Variants in GALNT13 observed in about 807,000 individuals in gnomAD.
The protein encoded by GALNT13 is UDP-GalNAc:polypeptide N-acetylgalactosaminyltransferase 13.
A neutral mutation model predicts 64.2 loss-of-function variants in GALNT13; 28 were observed. The observed-to-expected ratio is 0.44, with a 90% CI of 0.32 to 0.60. The LOEUF is 0.60. Ranked by LOEUF, GALNT13 falls within the 20% of genes least tolerant of loss-of-function variation. The pLI is 0.05. For missense variants in GALNT13, 577 were observed against 669.8 expected (o/e 0.86, Z 1.53); for synonymous variants, 214 against 224.6 (o/e 0.95, Z 0.42).
chr2:153,407,851 TA>T, the GALNT13 span, among the ~76,000 whole-genome samples: 3 of 152,012 alleles, frequency 2.0e-5, no homozygotes, highest in African/African-American at 7.3e-5. Flanking sequence ...CATTAAGGGG[TA>T]GGGGTAGGCT....
At chr2:153,324,088 C>A in the GALNT13 span, among the ~76,000 whole-genome samples, 1 of 152,118 alleles carries the variant, frequency 6.6e-6, no homozygotes, top group African/African-American at 2.4e-5. Context: ...GGCAGTATGG[C>A]CATTTTCACA....
the GALNT13 span, among the ~76,000 whole-genome samples, chr2:153,371,389 T>C: frequency 6.6e-6 from 1 of 152,106 alleles, no homozygotes; most frequent in Non-Finnish European, 1.5e-5. Flanking sequence ...ATTCAAACTA[T>C]TTGCATATGA....
the GALNT13 span, among the ~76,000 whole-genome samples, chr2:153,696,350 C>G: frequency 6.6e-6 from 1 of 152,146 alleles, no homozygotes; most frequent in Admixed American, 6.5e-5. Context: ...GCCAACCTGG[C>G]AGCTGATTAG....
the GALNT13 span, among the ~76,000 whole-genome samples, chr2:153,454,447 G>A: frequency 1.3e-5 from 2 of 152,126 alleles, no homozygotes; most frequent in Non-Finnish European, 2.9e-5. Flanking sequence ...TCAGGCAGTT[G>A]TATCTAATTA....
chr2:153,458,103 T>C, the GALNT13 span, among the ~76,000 whole-genome samples: 1 of 152,184 alleles, frequency 6.6e-6, no homozygotes, highest in East Asian at 1.9e-4. Flanking sequence ...TTATCCTCTA[T>C]GGCCTCTCTT....
At chr2:153,347,235 C>T in the GALNT13 span, among the ~76,000 whole-genome samples, 1 of 152,162 alleles carries the variant, frequency 6.6e-6, no homozygotes, top group Non-Finnish European at 1.5e-5. Context: ...TAGCAGTGGT[C>T]ACAAGGCAGG....
chr2:154,307,578 G>A (rs16836440), intron 9 of GALNT13, among the ~76,000 whole-genome samples: 54,911 of 151,844 alleles, frequency 0.36, 10,348 homozygotes, highest in East Asian at 0.47. Context: ...ATAAAAAATA[G>A]ACATACTTTG....
At chr2:153,345,571 C>T in the GALNT13 span, among the ~76,000 whole-genome samples, 1 of 152,008 alleles carries the variant, frequency 6.6e-6, no homozygotes, top group Admixed American at 6.6e-5. Context: ...AGATTAATTC[C>T]ACACCCTGCC....
intron 12 of GALNT13, chr2:154,446,660 T>G (rs1338150320): frequency 1.3e-6 from 2 of 1,548,698 alleles, no homozygotes; most frequent in Non-Finnish European, 1.7e-6. Flanking sequence ...AAACCTGTAA[T>G]GATAGCACTT....
the GALNT13 span, among the ~76,000 whole-genome samples, chr2:153,464,336 C>T: frequency 2.0e-5 from 3 of 152,004 alleles, no homozygotes; most frequent in African/African-American, 7.2e-5. Context: ...GGATAAACTA[C>T]AAGATTCCTT....
chr2:153,354,334 C>T, the GALNT13 span: 3 of 152,138 alleles, frequency 2.0e-5, no homozygotes, highest in Non-Finnish European at 4.4e-5. Flanking sequence ...ACTATAATGA[C>T]CTGTCTTTAA....
Position 154,011,930 on chromosome 2 carries a change from T to G in GALNT13, c.142+67291T>G, listed in dbSNP as rs956412072. On this transcript the variant is annotated intron_variant, in intron 3 of 12. Transcript: ENST00000392825. ...TTTACTTGGTAGATTTTTCTTCATT[T>G]CTTTACTTTGAGCCTCTAGGTCTCC... is the stretch of plus-strand genomic sequence containing the variant. 5.9e-5 allele frequency among the ~76,000 whole-genome samples: 9 copies of G among 152,192 alleles called. 1 individual carries two copies. Among genetic ancestry groups the G allele is most frequent in the Admixed American group, 5.9e-4 (9 of 15,282 alleles).
chr2:154,347,116 A>C (rs553155140), intron 9 of GALNT13, among the ~76,000 whole-genome samples: 1 of 152,286 alleles, frequency 6.6e-6, no homozygotes, highest in East Asian at 1.9e-4. Flanking sequence ...CACCACCAGC[A>C]ATAATGATTG....
intron 2 of GALNT13, among the ~76,000 whole-genome samples, chr2:153,901,396 T>C (rs1688227831): frequency 6.6e-6 from 1 of 152,212 alleles, no homozygotes; most frequent in Admixed American, 6.5e-5. Context: ...GTATTGAATC[T>C]GTAAATTGCT....
chr2:153,478,817 G>T, the GALNT13 span: 13 of 447,746 alleles, frequency 2.9e-5, no homozygotes, highest in East Asian at 2.6e-4. Flanking sequence ...GCTCGAGGGG[G>T]GGCTGTTGGA....
At chr2:154,449,478 T>A (rs914596761) in intron 12 of GALNT13, among the ~76,000 whole-genome samples, 1 of 128,402 alleles carries the variant, frequency 7.8e-6, no homozygotes, top group Non-Finnish European at 1.7e-5. Context: ...TTTGGTAATT[T>A]GCAAAAAAAA....
intron 3 of GALNT13, among the ~76,000 whole-genome samples, chr2:154,019,748 C>T (rs188161957): frequency 1.2e-4 from 18 of 151,550 alleles, no homozygotes; most frequent in South Asian, 6.2e-4. Context: ...ATGTGCACAA[C>T]GTACAGGTTT....
At chr2:154,387,405 A>C (rs1698564623) in intron 9 of GALNT13, among the ~76,000 whole-genome samples, 1 of 152,142 alleles carries the variant, frequency 6.6e-6, no homozygotes, top group Non-Finnish European at 1.5e-5. Flanking sequence ...AATCAAGCTA[A>C]TTAACATAGC....
At chr2:153,408,530 A>AAGG in the GALNT13 span, among the ~76,000 whole-genome samples, 1 of 152,326 alleles carries the variant, frequency 6.6e-6, no homozygotes, top group South Asian at 2.1e-4. Flanking sequence ...TGGCAATCAA[A>AAGG]AGGGACCCTG....
Sources: gnomAD v4.1 joint callset for allele counts (sites outside exome capture counted in the v4.1 genomes callset) on GRCh38, gnomAD v4.1.1 for gene constraint, MANE v1.5 for transcripts, NCBI Gene and HGNC (gene_info 2026-07-23, HGNC 2026-07-21) for gene names.